The following CPD variants were observed in gnomAD, a reference collection of about 807,000 sequenced individuals.
CPD encodes the protein metallocarboxypeptidase D.
In CPD, 69 loss-of-function variants were observed where a neutral mutation model predicts 138.3. That is an observed-to-expected ratio of 0.50 (90% confidence interval 0.41 to 0.61). The LOEUF is 0.61. Among genes scored for constraint, CPD ranks in the 20% least tolerant of loss-of-function variants. The pLI is 0.00. For synonymous variants in CPD, 651 were observed against 642.1 expected, an observed-to-expected ratio of 1.01 and a Z score of -0.21; for missense variants, 1,432 against 1,733.3, an observed-to-expected ratio of 0.83 and a Z score of 3.09.
rs1475689997 is a variant in CPD at position 30,423,636 on chromosome 17, T to C, written c.1788T>C (p.His596=). Reference sequence around the variant, plus strand: ...ACCCTGAAGTCACAGATTTGGTTCATAACACTAGAATTCACCTTATGCCAT... The same window carrying C: ...ACCCTGAAGTCACAGATTTGGTTCACAACACTAGAATTCACCTTATGCCAT... ...GTDPEVTDLV[H]NTRIHLMPSM... The change falls in exon 6 of 21, where the codon CAT becomes CAC. Residue 596 remains histidine (H), a synonymous_variant. Transcript: ENST00000225719. 2 of 1,612,142 alleles carry C rather than the reference T, an allele frequency of 1.2e-6. No homozygotes were observed. The highest frequency in any genetic ancestry group is 1.1e-5 in the South Asian group (1 of 90,728).
intron 10 of CPD, 46 bp from the exon 11 acceptor site, chr17:30,443,753 AGAT>A: frequency 6.7e-7 from 1 of 1,499,538 alleles, no homozygotes; most frequent in Non-Finnish European, 9.0e-7. Flanking sequence ...CAAGATAATT[AGAT>A]GATGATGTTT....
At chr17:30,424,607 G>C in intron 6 of CPD, among the ~76,000 whole-genome samples, 1 of 152,328 alleles carries the variant, frequency 6.6e-6, no homozygotes, top group East Asian at 1.9e-4. Flanking sequence ...CCAGATATCT[G>C]TCTGAGTCAG....
rs1343981401 is a variant in CPD, at chr17:30,385,135, AC to A, written c.895del (p.His299ThrfsTer3). 1 of 1,613,944 alleles carries A rather than the reference AC, an allele frequency of 6.2e-7. No homozygotes were observed. Among genetic ancestry groups the A allele is most frequent in the Admixed American group, 1.7e-5 (1 of 59,994 alleles). On this transcript the variant is annotated frameshift_variant, in exon 2 of 21. Coordinates refer to ENST00000225719, the MANE Select transcript of CPD (RefSeq NM_001304.5). LOFTEE classifies it high-confidence loss of function. ...TACTTGGCAAAAGCTTATGCTTCAA[AC>A]CACCCCATAATGAAAACTGGTGAGC... ...FKYLAKAYAS[N>X]HPIMKTGEPH... is the part of the protein sequence containing the mutation.
At position 30,423,502 on chromosome 17, in the gene CPD, T is replaced by A; in HGVS notation, c.1658-4T>A. The A allele has an allele frequency of 6.6e-7, 1 of 1,526,018 alleles. No homozygotes were observed. The highest frequency in any genetic ancestry group is 8.8e-7 in the Non-Finnish European group (1 of 1,137,644). 94.5% of individuals were successfully genotyped at this position (1,526,018 alleles called of 1,614,324 possible). A position where few individuals can be genotyped will look rare whatever the true frequency, so the allele number is the denominator to read the frequency against. On this transcript the variant is annotated splice_polypyrimidine_tract_variant and splice_region_variant and intron_variant, in intron 5 of 20. Transcript: ENST00000225719. Reference sequence around the variant, plus strand: ...AGCCTTCCATGTAATTATTTTGTTTTCAGGTGAACCAGAATTTAAGTACAT... The same window carrying A: ...AGCCTTCCATGTAATTATTTTGTTTACAGGTGAACCAGAATTTAAGTACAT...
At chr17:30,442,880 G>A (rs1347328371) in intron 10 of CPD, among the ~76,000 whole-genome samples, 1 of 152,098 alleles carries the variant, frequency 6.6e-6, no homozygotes, top group Non-Finnish European at 1.5e-5. Context: ...TTGGATATGT[G>A]TGGTGGCCAG....
chr17:30,391,327 G>A (rs1911352762), intron 2 of CPD, among the ~76,000 whole-genome samples: 1 of 152,158 alleles, frequency 6.6e-6, no homozygotes, highest in African/African-American at 2.4e-5. Context: ...TGTAGTCGCA[G>A]ATACTTGGGA....
chr17:30,404,636 A>G (rs889644707), intron 2 of CPD, among the ~76,000 whole-genome samples: 1 of 152,128 alleles, frequency 6.6e-6, no homozygotes, highest in Non-Finnish European at 1.5e-5. Context: ...TTGAGGTCAT[A>G]CCTATTTTAA....
intron 12 of CPD, chr17:30,447,620 G>A (rs1037168885): frequency 6.6e-6 from 1 of 151,864 alleles, no homozygotes; most frequent in Non-Finnish European, 1.5e-5. Context: ...CACCTGTTAG[G>A]GATTATGTGT....
At chr17:30,402,218 T>G (rs181157715) in intron 2 of CPD, among the ~76,000 whole-genome samples, 3 of 152,270 alleles carry the variant, frequency 2.0e-5, no homozygotes, top group Admixed American at 2.0e-4. Context: ...ATTTCTACTT[T>G]TTTCTATTTT....
intron 8 of CPD, among the ~76,000 whole-genome samples, chr17:30,436,722 A>G (rs1912712853): frequency 6.6e-6 from 1 of 152,238 alleles, no homozygotes; most frequent in South Asian, 2.1e-4. Context: ...GCTTTAAAAC[A>G]TTAAATATAG....
chr17:30,387,659 A>G (rs1305816950), intron 2 of CPD, among the ~76,000 whole-genome samples: 2 of 152,104 alleles, frequency 1.3e-5, no homozygotes, highest in African/African-American at 2.4e-5. Context: ...TTACCTTTTT[A>G]TTGGCAGTCA....
At chr17:30,407,028 T>C (rs1226399288) in intron 2 of CPD, among the ~76,000 whole-genome samples, 1 of 152,178 alleles carries the variant, frequency 6.6e-6, no homozygotes, top group Non-Finnish European at 1.5e-5. Flanking sequence ...TGTGTTCTCA[T>C]TGTTCAATTC....
At chr17:30,421,019 A>G in intron 3 of CPD, 36 bp downstream of exon 3, 1 of 1,603,466 alleles carries the variant, frequency 6.2e-7, no homozygotes, top group Non-Finnish European at 8.5e-7. Context: ...GGGTATAGAA[A>G]CAGGATTAAA....
At position 30,468,498 on chromosome 17, in the gene CPD, C is replaced by G. The variant is rs1913703895; in HGVS notation, c.*3684C>G. ...ACCCATTCATCTCAAGTGCTTCAGT[C>G]TTTGGTTTATTTCATGCACTGTGCC... On this transcript the variant is annotated 3_prime_UTR_variant, in exon 21 of 21. Transcript: ENST00000225719. 2 of 152,520 alleles carry G rather than the reference C, an allele frequency of 1.3e-5. No homozygotes were observed. Among genetic ancestry groups the G allele is most frequent in the South Asian group, 4.1e-4 (2 of 4,828 alleles). The allele number at this position is 152,520 out of a possible 1,614,324, so 9.4% of individuals were successfully genotyped here. A position where few individuals can be genotyped will look rare whatever the true frequency, so the allele number is the denominator to read the frequency against.
chr17:30,428,598 G>T (rs1386814242), intron 7 of CPD, among the ~76,000 whole-genome samples: 1 of 152,062 alleles, frequency 6.6e-6, no homozygotes, highest in Admixed American at 6.6e-5. Context: ...ACCACATAGT[G>T]CATGATTATT....
At position 30,442,366 on chromosome 17, in the gene CPD, A is replaced by C. The variant is rs754833276; in HGVS notation, c.2289A>C (p.Leu763=). The C allele has an allele frequency of 6.2e-7, 1 of 1,613,334 alleles. No individual in the cohort carries two copies. The highest frequency in any genetic ancestry group is 1.1e-5 in the South Asian group (1 of 91,046). ...QTNCFEVTIE[L]GCVKYPLEKE... ...ATTGCTTTGAAGTGACTATTGAACT[A>C]GGTTGTGTGAAATATCCACTTGAGA... is the stretch of plus-strand genomic sequence containing the variant. Residue 763 remains leucine, a synonymous_variant, in exon 10 of 21, where the codon CTA becomes CTC. Transcript: ENST00000225719.
At chr17:30,427,662 T>C in intron 7 of CPD, 104 bp downstream of exon 7, 1 of 989,258 alleles carries the variant, frequency 1.0e-6, no homozygotes, top group Non-Finnish European at 1.5e-6. Context: ...AAAATGAGTA[T>C]CCTGTTACTG....
intron 19 of CPD, 146 bp downstream of exon 19, chr17:30,462,208 T>A (rs564278099): frequency 9.4e-7 from 1 of 1,064,762 alleles, no homozygotes; most frequent in South Asian, 1.7e-5. Flanking sequence ...CTTGTTATCC[T>A]TGTACCCCTT....
At chr17:30,443,674 C>T in intron 10 of CPD, 128 bp from the exon 11 acceptor site, 1 of 886,938 alleles carries the variant, frequency 1.1e-6, no homozygotes, top group East Asian at 2.6e-5. Context: ...GAACTTTACT[C>T]TGAACTCCTA....
Sources: gnomAD v4.1 joint callset for allele counts (sites outside exome capture counted in the v4.1 genomes callset) on GRCh38, gnomAD v4.1.1 for gene constraint, MANE v1.5 for transcripts, NCBI Gene and HGNC (gene_info 2026-07-23, HGNC 2026-07-21) for gene names.